Variants in B3GALT1 observed in about 807,000 individuals in gnomAD.
The protein encoded by B3GALT1 is beta-1,3-galactosyltransferase 1.
A neutral mutation model predicts 23.2 loss-of-function variants in B3GALT1; 10 were observed. That is an observed-to-expected ratio of 0.43 (90% CI 0.27 to 0.73). The LOEUF is 0.73. Ranked by LOEUF, B3GALT1 falls within the 30% of genes least tolerant of loss-of-function variation. B3GALT1 has a pLI of 0.21. For synonymous variants in B3GALT1, 156 were observed against 141.5 expected, an observed-to-expected ratio of 1.10 and a Z score of -0.73; for missense variants, 299 against 405.4, an observed-to-expected ratio of 0.74 and a Z score of 2.25.
intron 1 of B3GALT1, among the ~76,000 whole-genome samples, chr2:167,460,099 G>A (rs1469662149): frequency 1.3e-5 from 2 of 152,190 alleles, no homozygotes; most frequent in African/African-American, 4.8e-5. Flanking sequence ...ATCCGTTTGA[G>A]TTCATCTTAC....
intron 3 of B3GALT1, among the ~76,000 whole-genome samples, chr2:167,651,578 C>T (rs1685870579): frequency 6.6e-6 from 1 of 152,120 alleles, no homozygotes; most frequent in South Asian, 2.1e-4. Context: ...TTCATTCATT[C>T]AATTAACTTT....
chr2:167,390,598 C>G (rs1233025185), intron 1 of B3GALT1, among the ~76,000 whole-genome samples: 1 of 152,186 alleles, frequency 6.6e-6, no homozygotes, highest in African/African-American at 2.4e-5. Context: ...CTTTCTCTCC[C>G]TATCTTAGCC....
At chr2:167,635,436 T>C (rs1413116866) in intron 2 of B3GALT1, among the ~76,000 whole-genome samples, 2 of 152,166 alleles carry the variant, frequency 1.3e-5, no homozygotes, top group Non-Finnish European at 2.9e-5. Context: ...GACATGATTG[T>C]ATATTTAAAA....
At chr2:167,338,967 T>A (rs189727831) in intron 1 of B3GALT1, among the ~76,000 whole-genome samples, 17 of 152,298 alleles carry the variant, frequency 1.1e-4, no homozygotes, top group African/African-American at 3.6e-4. Flanking sequence ...GGCTGATTAA[T>A]CTTAGTATTT....
At chr2:167,579,572 T>G (rs1268563420) in intron 2 of B3GALT1, among the ~76,000 whole-genome samples, 1 of 151,942 alleles carries the variant, frequency 6.6e-6, no homozygotes, top group Non-Finnish European at 1.5e-5. Context: ...CAATGAGGCC[T>G]GATAACTGCT....
At chr2:167,584,085 G>C (rs1684540107) in intron 2 of B3GALT1, among the ~76,000 whole-genome samples, 1 of 152,180 alleles carries the variant, frequency 6.6e-6, no homozygotes, top group African/African-American at 2.4e-5. Flanking sequence ...ATAGAGAAGA[G>C]AAATGTAGTC....
chr2:167,371,485 T>C (rs985549765), intron 1 of B3GALT1, among the ~76,000 whole-genome samples: 8 of 152,156 alleles, frequency 5.3e-5, no homozygotes, highest in African/African-American at 1.9e-4. Context: ...CCTAAAATGT[T>C]CTTGTGAAGT....
chr2:167,453,817 A>C (rs1432072695), intron 1 of B3GALT1, among the ~76,000 whole-genome samples: 1 of 152,218 alleles, frequency 6.6e-6, no homozygotes, highest in African/African-American at 2.4e-5. Context: ...AGTGATCAGG[A>C]TTTCTTTGTG....
At chr2:167,696,296 CAAAAAAAA>C (rs35575073) in intron 3 of B3GALT1, among the ~76,000 whole-genome samples, 191 of 91,840 alleles carry the variant, frequency 2.1e-3, no homozygotes, top group African/African-American at 3.7e-3. Context: ...TGGTAAGAGG[CAAAAAAAA>C]AAAAAAAAAA....
chr2:167,602,766 A>G (rs373439585), intron 2 of B3GALT1, among the ~76,000 whole-genome samples: 5 of 152,228 alleles, frequency 3.3e-5, no homozygotes, highest in East Asian at 3.9e-4. Context: ...CATAGTAATC[A>G]TTTGCTCATC....
intron 1 of B3GALT1, among the ~76,000 whole-genome samples, chr2:167,334,470 T>C (rs548602096): frequency 6.6e-6 from 1 of 152,328 alleles, no homozygotes; most frequent in South Asian, 2.1e-4. Context: ...AACTGATTCA[T>C]TCAAGTTTGT....
At chr2:167,512,568 G>GTATATATATATGTGTA (rs1700028077) in intron 2 of B3GALT1, among the ~76,000 whole-genome samples, 4 of 38,734 alleles carry the variant, frequency 1.0e-4, no homozygotes, top group Non-Finnish European at 1.8e-4. Flanking sequence ...ATATATATAT[G>GTATATATATATGTGTA]TATATATATA....
At chr2:167,820,646 A>G (rs921522908) in intron 4 of B3GALT1, among the ~76,000 whole-genome samples, 2 of 152,218 alleles carry the variant, frequency 1.3e-5, no homozygotes, top group Admixed American at 1.3e-4. Context: ...ACCTGAGCAA[A>G]CAACAAACTT....
intron 2 of B3GALT1, among the ~76,000 whole-genome samples, chr2:167,539,258 T>TAA (rs143132373): frequency 2.0e-5 from 3 of 151,458 alleles, no homozygotes; most frequent in African/African-American, 7.3e-5. Flanking sequence ...CTTTTTCTAT[T>TAA]TAAAAAAAAA....
chr2:167,577,436 C>T (rs993243101), intron 2 of B3GALT1, among the ~76,000 whole-genome samples: 1 of 151,758 alleles, frequency 6.6e-6, no homozygotes, highest in Non-Finnish European at 1.5e-5. Flanking sequence ...GTATATAGAT[C>T]AATTGAAAAT....
intron 1 of B3GALT1, among the ~76,000 whole-genome samples, chr2:167,412,818 G>A (rs1032876526): frequency 1.3e-5 from 2 of 152,090 alleles, no homozygotes; most frequent in African/African-American, 4.8e-5. Flanking sequence ...ACTGGAAATA[G>A]CTATAAACAA....
At chr2:167,322,508 G>C (rs1696829433) in intron 1 of B3GALT1, among the ~76,000 whole-genome samples, 1 of 151,918 alleles carries the variant, frequency 6.6e-6, no homozygotes, top group Admixed American at 6.6e-5. Flanking sequence ...ACATGAATGT[G>C]CTACATTTTT....
intron 2 of B3GALT1, among the ~76,000 whole-genome samples, chr2:167,512,524 ATGTGTGTG>A (rs750563862): frequency 1.4e-5 from 2 of 140,496 alleles, no homozygotes; most frequent in Non-Finnish European, 3.0e-5. Flanking sequence ...ATACATATAT[ATGTGTGTG>A]TGTATATATA....
intron 4 of B3GALT1, among the ~76,000 whole-genome samples, chr2:167,835,514 A>AGCTCC (rs1689444364): frequency 6.6e-6 from 1 of 152,238 alleles, no homozygotes; most frequent in South Asian, 2.1e-4. Context: ...TTGCTTAGGT[A>AGCTCC]AACAAAGCAG....
Sources: gnomAD v4.1 joint callset for allele counts (sites outside exome capture counted in the v4.1 genomes callset) on GRCh38, gnomAD v4.1.1 for gene constraint, MANE v1.5 for transcripts, NCBI Gene and HGNC (gene_info 2026-07-23, HGNC 2026-07-21) for gene names.